METTL15: variants seen among roughly 807,000 people sequenced by gnomAD.
METTL15 encodes methyltransferase 15, mitochondrial 12S rRNA N4-cytidine, also known as 12S rRNA N(4)-cytidine methyltransferase METTL15.
A neutral mutation model predicts 38.3 loss-of-function variants in METTL15; 34 were observed. The observed-to-expected ratio is 0.89, with a 90% CI of 0.68 to 1.18. The LOEUF (loss-of-function observed/expected upper bound fraction) is 1.18. METTL15 is among the 50% of genes most tolerant of loss of function. METTL15 has a pLI of 0.00. For synonymous variants in METTL15, 162 were observed against 170.9 expected (o/e 0.95, Z 0.41); for missense variants, 438 against 498.4 (o/e 0.88, Z 1.15).
At chr11:28,466,786 G>A (rs1266350361) in intron 6 of METTL15, among the ~76,000 whole-genome samples, 1 of 152,162 alleles carries the variant, frequency 6.6e-6, no homozygotes, top group Non-Finnish European at 1.5e-5. Flanking sequence ...TGTGGGGAAT[G>A]CATGCCATTG....
chr11:28,385,627 C>G (rs1027239374), intron 5 of METTL15, among the ~76,000 whole-genome samples: 3 of 151,894 alleles, frequency 2.0e-5, no homozygotes, highest in Admixed American at 6.6e-5. Context: ...CTATTTGGAC[C>G]TTTTGTAAAA....
chr11:28,435,553 G>A (rs1381731608), intron 6 of METTL15, among the ~76,000 whole-genome samples: 1 of 152,162 alleles, frequency 6.6e-6, no homozygotes. Context: ...CTTCAGAAGA[G>A]AATATTGGAA....
rs1280921759 is a variant in METTL15, at chr11:28,288,816, T to TTAAATAAAA, written c.408-1376_408-1368dup. 2.0e-5 allele frequency among the ~76,000 whole-genome samples: 3 copies of TTAAATAAAA among 152,098 alleles called. No individual in the cohort carries two copies. The East Asian group carries it at 5.8e-4, about 29-fold the overall frequency. The stretch of plus-strand genomic sequence containing the variant: ...GCACATGTACCCCTGAACTTAAAAG[T>TTAAATAAAA]TAAATAAAATAAATAAAATAAAACA... On this transcript the variant is annotated intron_variant, in intron 4 of 6. Coordinates refer to ENST00000407364, the MANE Select transcript of METTL15 (RefSeq NM_001113528.2).
chr11:28,295,416 A>G (rs1471198050), intron 5 of METTL15, among the ~76,000 whole-genome samples: 1 of 152,096 alleles, frequency 6.6e-6, no homozygotes, highest in African/African-American at 2.4e-5. Flanking sequence ...AGATAGAAAT[A>G]GGGCTACCTT....
intron 5 of METTL15, among the ~76,000 whole-genome samples, chr11:28,388,332 A>C (rs1356173361): frequency 6.6e-6 from 1 of 152,148 alleles, no homozygotes; most frequent in Non-Finnish European, 1.5e-5. Context: ...ACACAAGAAA[A>C]TCCTGTTAGA....
intron 4 of METTL15, among the ~76,000 whole-genome samples, chr11:28,268,526 A>G (rs1020417967): frequency 6.6e-6 from 1 of 152,128 alleles, no homozygotes; most frequent in Non-Finnish European, 1.5e-5. Flanking sequence ...TTAAGATAAC[A>G]CTGACTGTTT....
chr11:28,416,348 T>C (rs1022613387), intron 5 of METTL15, among the ~76,000 whole-genome samples: 1 of 147,606 alleles, frequency 6.8e-6, no homozygotes, highest in Non-Finnish European at 1.5e-5. Context: ...AGAAAAATGG[T>C]CCCAGGGAAG....
At chr11:28,289,834 C>T (rs1262851187) in intron 4 of METTL15, among the ~76,000 whole-genome samples, 2 of 152,032 alleles carry the variant, frequency 1.3e-5, no homozygotes, top group Non-Finnish European at 2.9e-5. Context: ...TTGGCTTACT[C>T]GTTATTCTTT....
chr11:28,161,607 T>C (rs889375946), intron 3 of METTL15, among the ~76,000 whole-genome samples: 3 of 152,112 alleles, frequency 2.0e-5, no homozygotes, highest in Non-Finnish European at 2.9e-5. Flanking sequence ...TCCTGTCAAA[T>C]TGAAGAAAAT....
chr11:28,482,028 C>G (rs960607310), intron 6 of METTL15, among the ~76,000 whole-genome samples: 1 of 152,086 alleles, frequency 6.6e-6, no homozygotes, highest in African/African-American at 2.4e-5. Context: ...TGCAAACTCT[C>G]TCAGCCCTAG....
At chr11:28,413,486 T>G (rs1052298589) in intron 5 of METTL15, among the ~76,000 whole-genome samples, 1 of 152,146 alleles carries the variant, frequency 6.6e-6, no homozygotes, top group Non-Finnish European at 1.5e-5. Context: ...TCTGCACAGT[T>G]TTTTCTCCAC....
intron 5 of METTL15, among the ~76,000 whole-genome samples, chr11:28,419,264 C>G (rs1362682032): frequency 6.6e-6 from 1 of 152,160 alleles, no homozygotes; most frequent in African/African-American, 2.4e-5. Context: ...ACCTGTGTGA[C>G]CTCTCCCCCA....
chr11:28,503,372 A>G (rs1268501372), intron 6 of METTL15, among the ~76,000 whole-genome samples: 1 of 152,240 alleles, frequency 6.6e-6, no homozygotes, highest in Non-Finnish European at 1.5e-5. Context: ...ATTGTGCTAA[A>G]CATAGCTAAC....
intron 6 of METTL15, among the ~76,000 whole-genome samples, chr11:28,462,749 T>C (rs1437757824): frequency 6.6e-6 from 1 of 151,990 alleles, no homozygotes; most frequent in Non-Finnish European, 1.5e-5. Context: ...AATCCCTTGA[T>C]AGAGACTCCT....
At chr11:28,219,357 A>G (rs866151588) in intron 4 of METTL15, among the ~76,000 whole-genome samples, 1 of 152,106 alleles carries the variant, frequency 6.6e-6, no homozygotes, top group Non-Finnish European at 1.5e-5. Context: ...AGAGGTGTTT[A>G]TAGTATTCTG....
chr11:28,315,183 G>A (rs1857436660), intron 6 of METTL15, among the ~76,000 whole-genome samples: 1 of 152,180 alleles, frequency 6.6e-6, no homozygotes. Context: ...GAAAATGTGG[G>A]AAAGTTTGGA....
chr11:28,342,781 C>T (rs1453831596), intron 3 of METTL15, among the ~76,000 whole-genome samples: 1 of 152,168 alleles, frequency 6.6e-6, no homozygotes, highest in African/African-American at 2.4e-5. Flanking sequence ...TTTTCAGTAT[C>T]TTAATAAAGC....
intron 4 of METTL15, among the ~76,000 whole-genome samples, chr11:28,283,067 A>G (rs1176079807): frequency 6.6e-6 from 1 of 152,170 alleles, no homozygotes; most frequent in Non-Finnish European, 1.5e-5. Context: ...GCTTGAGATT[A>G]AAGATGTATA....
chr11:28,169,484 T>C (rs575339496), intron 3 of METTL15, among the ~76,000 whole-genome samples: 1 of 152,312 alleles, frequency 6.6e-6, no homozygotes, highest in African/African-American at 2.4e-5. Flanking sequence ...CATTAAAATG[T>C]TGATCTGGAT....
Sources: gnomAD v4.1 joint callset for allele counts (sites outside exome capture counted in the v4.1 genomes callset) on GRCh38, gnomAD v4.1.1 for gene constraint, MANE v1.5 for transcripts, NCBI Gene and HGNC (gene_info 2026-07-23, HGNC 2026-07-21) for gene names.